Variants in TLR6 observed in about 807,000 individuals in gnomAD.
TLR6 encodes the protein toll like receptor 6.
Under a neutral mutation model 16.1 loss-of-function variants are expected in TLR6, and 9 were observed. The observed-to-expected ratio is 0.56, with a 90% CI of 0.34 to 0.98. The LOEUF is 0.98. TLR6 is among the 50% of genes least tolerant of loss of function. The pLI is 0.02. For missense variants in TLR6, 786 were observed against 921.0 expected (o/e 0.85, Z 1.90); for synonymous variants, 340 against 338.6 (o/e 1.00, Z -0.04).
chr4:38,867,441 C>G, the TLR6 span, among the ~76,000 whole-genome samples: 3 of 152,132 alleles, frequency 2.0e-5, no homozygotes, highest in South Asian at 6.2e-4. Context: ...TGCTGCTTAA[C>G]GCAGAATCAG....
intron 1 of TLR6, among the ~76,000 whole-genome samples, chr4:38,834,349 C>CA (rs1560265627): frequency 9.6e-5 from 11 of 114,636 alleles, no homozygotes; most frequent in African/African-American, 3.5e-4. Flanking sequence ...CCCAGTGAGG[C>CA]GAAAAAAAAA....
chr4:38,848,467 C>A (rs1023324039), intron 1 of TLR6, among the ~76,000 whole-genome samples: 13 of 152,012 alleles, frequency 8.6e-5, no homozygotes, highest in Non-Finnish European at 1.9e-4. Context: ...TGGCTTCAGA[C>A]GATCAAACTT....
At chr4:38,855,783 T>C (rs1004258358) in intron 1 of TLR6, among the ~76,000 whole-genome samples, 1 of 152,214 alleles carries the variant, frequency 6.6e-6, no homozygotes, top group African/African-American at 2.4e-5. Flanking sequence ...ATAGTAACTT[T>C]TCTATTTATT....
intron 1 of TLR6, among the ~76,000 whole-genome samples, chr4:38,839,154 G>T (rs979809866): frequency 4.1e-5 from 6 of 146,180 alleles, no homozygotes; most frequent in African/African-American, 1.3e-4. Flanking sequence ...GGGAGGGAAG[G>T]GGGGGAAGAT....
chr4:38,863,497 A>T, the TLR6 span, among the ~76,000 whole-genome samples: 4 of 152,288 alleles, frequency 2.6e-5, no homozygotes, highest in East Asian at 7.7e-4. Flanking sequence ...TGCAAGCCAA[A>T]TGCCTGAATC....
chr4:38,829,450 A>G (rs1213920682), exon 2 of TLR6: 2 of 1,612,532 alleles, frequency 1.2e-6, no homozygotes, highest in East Asian at 2.2e-5. Context: ...AGCTTTTAAC[A>G]ATAGGTTCTT....
exon 2 of TLR6, chr4:38,828,877 A>G (rs751506862): frequency 6.2e-7 from 1 of 1,613,384 alleles, no homozygotes; most frequent in Admixed American, 1.7e-5. Context: ...AAACAAGGTG[A>G]AGGGTTTTTG....
chr4:38,827,763 G>A, exon 2 of TLR6: 1 of 1,614,150 alleles, frequency 6.2e-7, no homozygotes, highest in South Asian at 1.1e-5. Flanking sequence ...TCCTTTAGTG[G>A]GCTTCCTCTA....
At chr4:38,829,644 C>T (rs1727736674) in intron 1 of TLR6, 107 bp from the exon 2 acceptor site, 1 of 557,062 alleles carries the variant, frequency 1.8e-6, no homozygotes, top group South Asian at 2.5e-5. Flanking sequence ...CTAGTAGAGT[C>T]ATTTCTGTCC....
At chr4:38,836,181 A>G (rs542582326) in intron 1 of TLR6, among the ~76,000 whole-genome samples, 1 of 152,212 alleles carries the variant, frequency 6.6e-6, no homozygotes, top group South Asian at 2.1e-4. Flanking sequence ...GATCAATAAA[A>G]CAAAAAAATT....
the TLR6 span, among the ~76,000 whole-genome samples, chr4:38,867,449 CAGG>C: frequency 6.6e-6 from 1 of 152,212 alleles, no homozygotes; most frequent in African/African-American, 2.4e-5. Flanking sequence ...AACGCAGAAT[CAGG>C]AGATCAAACT....
exon 2 of TLR6, chr4:38,827,439 C>G: frequency 1.9e-6 from 3 of 1,614,212 alleles, no homozygotes; most frequent in Non-Finnish European, 2.5e-6. Context: ...TTGCCAGGGA[C>G]AAAGTTTCTC....
intron 1 of TLR6, among the ~76,000 whole-genome samples, chr4:38,835,504 C>G (rs981980938): frequency 9.2e-5 from 14 of 152,172 alleles, no homozygotes. Context: ...GAGAGATAGA[C>G]TCCAATACAA....
chr4:38,825,201 C>A lies in TLR6; in HGVS notation c.*1882G>T, dbSNP rs527632061. On this transcript the variant is annotated 3_prime_UTR_variant, in exon 2 of 2. Coordinates refer to ENST00000436693, the Ensembl canonical transcript of TLR6. ...TGTTGGATCTCCTCCCATCATCACTCCTGAATCTTGGGCAGATACCATAAA... is the reference window on the plus strand; with the variant it reads ...TGTTGGATCTCCTCCCATCATCACTACTGAATCTTGGGCAGATACCATAAA... 4 of 152,346 alleles carry A rather than the reference C, an allele frequency of 2.6e-5. No individual in the cohort carries two copies. In the East Asian group the frequency reaches 5.8e-4, roughly 22 times the overall value. 9.4% of individuals were successfully genotyped at this position (152,346 alleles called of 1,614,324 possible).
chr4:38,846,486 G>A (rs1055596639), intron 1 of TLR6, among the ~76,000 whole-genome samples: 1 of 152,028 alleles, frequency 6.6e-6, no homozygotes, highest in Admixed American at 6.6e-5. Context: ...GAAGACCAAG[G>A]AGAATTTTCC....
chr4:38,839,962 G>A (rs1268870396), intron 1 of TLR6, among the ~76,000 whole-genome samples: 1 of 152,190 alleles, frequency 6.6e-6, no homozygotes, highest in Non-Finnish European at 1.5e-5. Context: ...AATCCTGAAG[G>A]CTGAAATCCT....
chr4:38,841,998 T>G (rs966699610), intron 1 of TLR6, among the ~76,000 whole-genome samples: 3 of 152,162 alleles, frequency 2.0e-5, no homozygotes, highest in Non-Finnish European at 4.4e-5. Context: ...GTTTAAAAAT[T>G]TTTTTTTCAG....
intron 1 of TLR6, among the ~76,000 whole-genome samples, chr4:38,853,400 C>T (rs1712848152): frequency 6.6e-6 from 1 of 150,982 alleles, no homozygotes; most frequent in African/African-American, 2.4e-5. Flanking sequence ...AAAGAATGCA[C>T]ACATTGTTCT....
At chr4:38,829,469 G>A (rs755204584) in exon 2 of TLR6, 2 of 1,605,788 alleles carry the variant, frequency 1.2e-6, no homozygotes, top group Non-Finnish European at 1.7e-6. Context: ...TTTGTCTTTG[G>A]TCATGATGTT....
Sources: gnomAD v4.1 joint callset for allele counts (sites outside exome capture counted in the v4.1 genomes callset) on GRCh38, gnomAD v4.1.1 for gene constraint, MANE v1.5 for transcripts, NCBI Gene and HGNC (gene_info 2026-07-23, HGNC 2026-07-21) for gene names.